SLC1A7: variants seen among roughly 807,000 people sequenced by gnomAD.
SLC1A7 encodes the protein excitatory amino acid transporter 5.
A neutral mutation model predicts 47.7 loss-of-function variants in SLC1A7; 40 were observed. The observed-to-expected ratio is 0.84, with a 90% CI of 0.65 to 1.09. The LOEUF (loss-of-function observed/expected upper bound fraction) is 1.09, where lower values mean the gene tolerates loss of function less well. Ranked by LOEUF, SLC1A7 falls within the 50% of genes least tolerant of loss-of-function variation. SLC1A7 has a pLI of 0.00. For missense variants in SLC1A7, 746 were observed against 769.5 expected (o/e 0.97, Z 0.36); for synonymous variants, 323 against 325.6 (o/e 0.99, Z 0.09).
At chr1:53,124,231 G>A (rs1644855241) in intron 2 of SLC1A7, among the ~76,000 whole-genome samples, 1 of 70,878 alleles carries the variant, frequency 1.4e-5, no homozygotes, top group Admixed American at 1.7e-4. Context: ...GAAATAGGAA[G>A]GAAAACAATA....
chr1:53,138,232 G>C (rs908599848), intron 1 of SLC1A7, among the ~76,000 whole-genome samples: 2 of 152,160 alleles, frequency 1.3e-5, no homozygotes, highest in African/African-American at 4.8e-5. Flanking sequence ...ACCATCCAAA[G>C]ATCATCAGTT....
chr1:53,091,460 T>A (rs1397949778), intron 7 of SLC1A7, among the ~76,000 whole-genome samples: 1 of 152,192 alleles, frequency 6.6e-6, no homozygotes, highest in Non-Finnish European at 1.5e-5. Flanking sequence ...CTGCGGTTCC[T>A]GCTGGCAGGA....
At chr1:53,125,945 A>G (rs1214632975) in intron 2 of SLC1A7, among the ~76,000 whole-genome samples, 1 of 152,234 alleles carries the variant, frequency 6.6e-6, no homozygotes, top group East Asian at 1.9e-4. Context: ...ACAGGGGAGT[A>G]GGACCATATT....
intron 2 of SLC1A7, among the ~76,000 whole-genome samples, chr1:53,119,813 A>T (rs928291963): frequency 1.3e-5 from 2 of 152,154 alleles, no homozygotes; most frequent in Non-Finnish European, 2.9e-5. Flanking sequence ...GAGATGCTAG[A>T]TGGAGGCTTC....
chr1:53,088,176 C>T lies in SLC1A7; in HGVS notation c.1516G>A (p.Ala506Thr). 1.2e-6 allele frequency: 2 copies of T among 1,613,578 alleles called. No homozygotes were observed. Among genetic ancestry groups the T allele is most frequent in the Non-Finnish European group, 1.7e-6 (2 of 1,179,706 alleles). The change falls in exon 11 of 11, where the codon GCC (alanine) becomes ACC (threonine). Residue 506 changes from alanine to threonine, a missense_variant. By Grantham distance (58) the Ala-to-Thr change is moderately conservative (BLOSUM62 0). Coordinates refer to ENST00000371494, the MANE Select transcript of SLC1A7 (RefSeq NM_006671.6). ...CTCTTCACACAGCCATTCTGCTGGG[C>T]TGCCACGATCTCCTGGAGGCTCACT... ...KPVSLQEIVA[A>T]QQNGCVKSVA...
chr1:53,090,592 G>GCACCCCTTC lies in SLC1A7; in HGVS notation c.1226+19_1226+20insGAAGGGGTG, dbSNP rs1644409055. On this transcript the variant is annotated intron_variant, in intron 8 of 10. Transcript: ENST00000371494. ...CCCCAGCCCCCGCCCCATCCACCCA[G>GCACCCCTTC]GTGCAGTGTCAGGGTGCACCTGATG... 1 of 1,557,556 alleles carries GCACCCCTTC rather than the reference G, an allele frequency of 6.4e-7. No homozygotes were observed. The highest frequency in any genetic ancestry group is 1.4e-5 in the African/African-American group (1 of 74,030).
chr1:53,103,971 T>C lies in SLC1A7; in HGVS notation c.475-403A>G, dbSNP rs531375992. Reference sequence around the variant, plus strand: ...GCCCTGCTGCCCACCAGGTGGAAACTTGGACCTTCTTTTTGAAGAAGCATA... The same window carrying C: ...GCCCTGCTGCCCACCAGGTGGAAACCTGGACCTTCTTTTTGAAGAAGCATA... On this transcript the variant is annotated intron_variant, in intron 4 of 10. Coordinates refer to ENST00000371494, the MANE Select transcript of SLC1A7 (RefSeq NM_006671.6). Among the ~76,000 whole-genome samples, 9 of 152,234 alleles carry C rather than the reference T, an allele frequency of 5.9e-5. No homozygotes were observed. In the East Asian group the frequency reaches 1.7e-3, roughly 29 times the overall value.
intron 3 of SLC1A7, among the ~76,000 whole-genome samples, chr1:53,106,449 A>C (rs377766813): frequency 5.3e-5 from 8 of 151,838 alleles, no homozygotes; most frequent in African/African-American, 1.9e-4. Flanking sequence ...CTAAAAATAC[A>C]AAAAATTAGC....
At chr1:53,102,605 C>T (rs1644596187) in intron 5 of SLC1A7, 2 of 152,440 alleles carry the variant, frequency 1.3e-5, no homozygotes, top group Middle Eastern at 3.4e-3. Flanking sequence ...GGGGTTCGGC[C>T]CCTTTCCAGG....
intron 5 of SLC1A7, among the ~76,000 whole-genome samples, chr1:53,101,989 C>G (rs1241657589): frequency 6.6e-6 from 1 of 152,224 alleles, no homozygotes; most frequent in Non-Finnish European, 1.5e-5. Context: ...GATGCACGGA[C>G]AGTTACACAT....
chr1:53,142,269 C>T, intron 1 of SLC1A7, 46 bp downstream of exon 1: 1 of 1,539,186 alleles, frequency 6.5e-7, no homozygotes, highest in Non-Finnish European at 8.8e-7. Context: ...CTCAGGCCCA[C>T]ACGCCCCTCC....
rs370659448 is a variant in SLC1A7, at chr1:53,087,988, T to G, written c.*21A>C. ...GGACCCTGCCCCTGGAGGCCTCGCCTGCCCCTGCAGCTCCGCAGGCTCAGA... is the reference window on the plus strand; with the variant it reads ...GGACCCTGCCCCTGGAGGCCTCGCCGGCCCCTGCAGCTCCGCAGGCTCAGA... On this transcript the variant is annotated 3_prime_UTR_variant, in exon 11 of 11. Transcript: ENST00000371494. 131 of 1,429,018 alleles carry G rather than the reference T, an allele frequency of 9.2e-5. 1 individual carries two copies. Among genetic ancestry groups the G allele is most frequent in the Non-Finnish European group, 1.2e-4 (126 of 1,073,142 alleles). 88.5% of individuals were successfully genotyped at this position (1,429,018 alleles called of 1,614,324 possible).
intron 2 of SLC1A7, among the ~76,000 whole-genome samples, chr1:53,116,680 T>C (rs979455452): frequency 6.6e-6 from 1 of 152,022 alleles, no homozygotes; most frequent in Non-Finnish European, 1.5e-5. Flanking sequence ...CCTCCCACCA[T>C]GACAGAACCC....
intron 5 of SLC1A7, among the ~76,000 whole-genome samples, chr1:53,096,902 C>A (rs1445073771): frequency 1.3e-5 from 2 of 149,878 alleles, no homozygotes; most frequent in Non-Finnish European, 3.0e-5. Flanking sequence ...CCTCGGTACA[C>A]TCACACACAC....
intron 5 of SLC1A7, among the ~76,000 whole-genome samples, chr1:53,093,811 C>T (rs1644454137): frequency 6.6e-6 from 1 of 152,180 alleles, no homozygotes; most frequent in Admixed American, 6.5e-5. Flanking sequence ...CTGCCAAGTG[C>T]ACCCCTGGCT....
At chr1:53,114,303 C>T (rs926588584) in intron 3 of SLC1A7, among the ~76,000 whole-genome samples, 1 of 152,166 alleles carries the variant, frequency 6.6e-6, no homozygotes, top group Non-Finnish European at 1.5e-5. Context: ...GGGGGTGGCA[C>T]CACAGGGCAA....
intron 3 of SLC1A7, among the ~76,000 whole-genome samples, chr1:53,110,259 C>T (rs1387095810): frequency 6.6e-6 from 1 of 152,196 alleles, no homozygotes; most frequent in East Asian, 1.9e-4. Flanking sequence ...TGCCCAGGGC[C>T]ACACAGTAAC....
At chr1:53,126,030 G>A (rs1398101982) in intron 2 of SLC1A7, among the ~76,000 whole-genome samples, 1 of 152,216 alleles carries the variant, frequency 6.6e-6, no homozygotes. Flanking sequence ...CTCTTAAGTT[G>A]CCCATAGAGT....
chr1:53,103,578 G>T lies in SLC1A7; in HGVS notation c.475-10C>A. Reference sequence around the variant, plus strand: ...TGGTCTTGGTGCGGTACTGGTGGGTGACACCCCACCCAGAGAGAAGTCAGG... The same window carrying T: ...TGGTCTTGGTGCGGTACTGGTGGGTTACACCCCACCCAGAGAGAAGTCAGG... On this transcript the variant is annotated splice_polypyrimidine_tract_variant and intron_variant, in intron 4 of 10. Coordinates refer to ENST00000371494, the MANE Select transcript of SLC1A7 (RefSeq NM_006671.6). 1 of 1,533,240 alleles carries T rather than the reference G, an allele frequency of 6.5e-7. No homozygotes were observed. 95.0% of individuals were successfully genotyped at this position (1,533,240 alleles called of 1,614,324 possible).
Sources: gnomAD v4.1 joint callset for allele counts (sites outside exome capture counted in the v4.1 genomes callset) on GRCh38, gnomAD v4.1.1 for gene constraint, MANE v1.5 for transcripts, NCBI Gene and HGNC (gene_info 2026-07-23, HGNC 2026-07-21) for gene names.